Variants in WDR70 observed in about 807,000 individuals in gnomAD.
WDR70 encodes the protein WD repeat domain 70.
A neutral mutation model predicts 88.6 loss-of-function variants in WDR70; 53 were observed. The observed-to-expected ratio is 0.60, with a 90% CI of 0.48 to 0.75. The LOEUF (loss-of-function observed/expected upper bound fraction) is 0.75, where lower values mean the gene tolerates loss of function less well. Among genes scored for constraint, WDR70 ranks in the 30% least tolerant of loss-of-function variants. WDR70 has a pLI of 0.00. For synonymous variants in WDR70, 280 were observed against 270.0 expected (o/e 1.04, Z -0.36); for missense variants, 610 against 823.2 (o/e 0.74, Z 3.17).
intron 5 of WDR70, among the ~76,000 whole-genome samples, chr5:37,410,203 T>G (rs1286197918): frequency 6.6e-6 from 1 of 150,702 alleles, no homozygotes; most frequent in African/African-American, 2.4e-5. Flanking sequence ...GTTTTTTTTT[T>G]TTTTTTTTTT....
chr5:37,403,710 T>G (rs1749269542), intron 5 of WDR70, among the ~76,000 whole-genome samples: 1 of 152,192 alleles, frequency 6.6e-6, no homozygotes, highest in South Asian at 2.1e-4. Context: ...TAGTGTTAAC[T>G]TTTTTAAAAA....
At chr5:37,664,657 T>C (rs56007806) in intron 10 of WDR70, among the ~76,000 whole-genome samples, 43,986 of 152,118 alleles carry the variant, frequency 0.29, 7,009 homozygotes, top group Admixed American at 0.37. Flanking sequence ...TTGTACAATT[T>C]ATTGTAGATA....
intron 7 of WDR70, among the ~76,000 whole-genome samples, chr5:37,459,345 G>A (rs983114750): frequency 3.3e-5 from 5 of 150,546 alleles, no homozygotes; most frequent in East Asian, 2.0e-4. Context: ...TATTAGGTCC[G>A]CTTGGTGCAG....
At chr5:37,533,574 T>G (rs1306283987) in intron 9 of WDR70, among the ~76,000 whole-genome samples, 4 of 151,614 alleles carry the variant, frequency 2.6e-5, no homozygotes, top group African/African-American at 4.9e-5. Flanking sequence ...TTCAAGAGAT[T>G]TTGACCTTTG....
chr5:37,698,330 G>A (rs1336871703), intron 11 of WDR70, among the ~76,000 whole-genome samples: 1 of 152,130 alleles, frequency 6.6e-6, no homozygotes, highest in Non-Finnish European at 1.5e-5. Context: ...TTGTGTATTG[G>A]TAGAAGGAGA....
chr5:37,699,234 T>C (rs1358787921), intron 11 of WDR70, among the ~76,000 whole-genome samples: 2 of 151,664 alleles, frequency 1.3e-5, no homozygotes, highest in Admixed American at 1.3e-4. Context: ...CTCAACTGAG[T>C]AATTACCCAG....
chr5:37,719,762 A>AT (rs11444231), intron 13 of WDR70, among the ~76,000 whole-genome samples: 7,835 of 148,496 alleles, frequency 0.053, 580 homozygotes, highest in African/African-American at 0.16. Context: ...CCATTTACCT[A>AT]TTTTTTTTTG....
intron 10 of WDR70, among the ~76,000 whole-genome samples, chr5:37,679,336 C>T (rs1246103980): frequency 6.6e-5 from 10 of 151,776 alleles, no homozygotes; most frequent in African/African-American, 1.7e-4. Flanking sequence ...AGTTTTTCTG[C>T]TCTGTTTTTT....
rs183527941 is a variant in WDR70 at position 37,521,571 on chromosome 5, G to A, written c.917+4981G>A. On this transcript the variant is annotated intron_variant, in intron 9 of 17. Coordinates refer to ENST00000265107, the MANE Select transcript of WDR70 (RefSeq NM_018034.4). ...TTCTCATTGCTTAGCTCCCACATGTGAGTGAGAAGATGCGATGTTTGGTTT... is the reference window on the plus strand; with the variant it reads ...TTCTCATTGCTTAGCTCCCACATGTAAGTGAGAAGATGCGATGTTTGGTTT... 1.8e-3 allele frequency among the ~76,000 whole-genome samples: 267 copies of A among 152,244 alleles called. 2 individuals are homozygous for A. Among genetic ancestry groups the A allele is most frequent in the African/African-American group, 6.0e-3 (251 of 41,546 alleles).
At chr5:37,549,388 A>T (rs945019575) in intron 9 of WDR70, among the ~76,000 whole-genome samples, 2 of 152,100 alleles carry the variant, frequency 1.3e-5, no homozygotes, top group African/African-American at 4.8e-5. Context: ...ATTTAATTTT[A>T]TGTGTGGCTA....
intron 9 of WDR70, among the ~76,000 whole-genome samples, chr5:37,573,402 T>C (rs1742966665): frequency 6.6e-6 from 1 of 152,190 alleles, no homozygotes; most frequent in Admixed American, 6.5e-5. Context: ...TATGATACTT[T>C]ATGTTTTAGG....
intron 12 of WDR70, among the ~76,000 whole-genome samples, chr5:37,702,309 A>T (rs1458058698): frequency 6.6e-6 from 1 of 152,214 alleles, no homozygotes; most frequent in Non-Finnish European, 1.5e-5. Context: ...TTGAGCTATT[A>T]TACCTGCTGC....
chr5:37,418,655 A>G (rs1357366993), intron 5 of WDR70, among the ~76,000 whole-genome samples: 2 of 152,196 alleles, frequency 1.3e-5, no homozygotes, highest in Admixed American at 1.3e-4. Flanking sequence ...TTCTATATTC[A>G]TAGAACTCTT....
At chr5:37,616,619 C>T (rs1744351859) in intron 10 of WDR70, among the ~76,000 whole-genome samples, 1 of 152,102 alleles carries the variant, frequency 6.6e-6, no homozygotes, top group Non-Finnish European at 1.5e-5. Flanking sequence ...CCATGATGCT[C>T]TGTTATGGAC....
At chr5:37,711,349 C>T (rs192605269) in intron 13 of WDR70, among the ~76,000 whole-genome samples, 26 of 152,262 alleles carry the variant, frequency 1.7e-4, no homozygotes, top group Admixed American at 1.1e-3. Flanking sequence ...CACACTACGA[C>T]GTAACTCTCC....
chr5:37,488,419 G>T (rs1271012658), intron 8 of WDR70, among the ~76,000 whole-genome samples: 2 of 151,148 alleles, frequency 1.3e-5, no homozygotes, highest in Non-Finnish European at 2.9e-5. Flanking sequence ...TTCACCTCCT[G>T]GAACACCCAC....
intron 9 of WDR70, among the ~76,000 whole-genome samples, chr5:37,518,122 A>G (rs1379865963): frequency 6.6e-6 from 1 of 151,354 alleles, no homozygotes; most frequent in Non-Finnish European, 1.5e-5. Context: ...ATCATGTTGC[A>G]TAGGCTGGTC....
At chr5:37,742,656 A>C (rs546852955) in intron 17 of WDR70, among the ~76,000 whole-genome samples, 1 of 152,284 alleles carries the variant, frequency 6.6e-6, no homozygotes, top group South Asian at 2.1e-4. Flanking sequence ...ATCATTGCCA[A>C]ATCTAATGTC....
chr5:37,748,766 A>T (rs1048736085), intron 17 of WDR70, among the ~76,000 whole-genome samples: 1 of 152,258 alleles, frequency 6.6e-6, no homozygotes, highest in African/African-American at 2.4e-5. Context: ...AAACATATTT[A>T]CAAGAAGAAA....
Sources: gnomAD v4.1 joint callset for allele counts (sites outside exome capture counted in the v4.1 genomes callset) on GRCh38, gnomAD v4.1.1 for gene constraint, MANE v1.5 for transcripts, NCBI Gene and HGNC (gene_info 2026-07-23, HGNC 2026-07-21) for gene names.